Variants in ALDH2 observed in about 807,000 individuals in gnomAD.
ALDH2 encodes the protein aldehyde dehydrogenase, mitochondrial.
Under a neutral mutation model 59.6 loss-of-function variants are expected in ALDH2, and 44 were observed. The ratio of observed to expected loss-of-function variants is 0.74; its 90% CI spans 0.58 to 0.95. The LOEUF is 0.95. Ranked by LOEUF, ALDH2 falls within the 40% of genes least tolerant of loss-of-function variation. The probability of loss-of-function intolerance (pLI) is 0.00; values close to 1 mark genes in which losing one functional copy is unlikely to be tolerated. For synonymous variants in ALDH2, 291 were observed against 284.0 expected (o/e 1.02, Z -0.25); for missense variants, 570 against 696.3 (o/e 0.82, Z 2.04).
rs671 is a variant in ALDH2, at chr12:111,803,962, G to A, written c.1510G>A (p.Glu504Lys). The stretch of plus-strand genomic sequence containing the variant: ...CGAGTACGGGCTGCAGGCATACACT[G>A]AAGTGAAAACTGTGAGTGTGGGACC... ...LGEYGLQAYTEVKTVTVKVPQ... is the reference protein window; with the variant it reads ...LGEYGLQAYTKVKTVTVKVPQ... The change falls in exon 12 of 13, where the codon GAA becomes AAA. Residue 504 changes from glutamate (E) to lysine (K), a missense_variant. By Grantham distance (56) the Glu-to-Lys change is moderately conservative. Transcript: ENST00000261733. 11,316 of 1,608,410 alleles carry A rather than the reference G, an allele frequency of 7.0e-3. 1,380 individuals are homozygous for A. In the East Asian group the frequency reaches 0.24, roughly 35 times the overall value.
intron 4 of ALDH2, among the ~76,000 whole-genome samples, chr12:111,787,628 G>T (rs970889229): frequency 6.6e-6 from 1 of 152,140 alleles, no homozygotes; most frequent in Non-Finnish European, 1.5e-5. Flanking sequence ...GGGCGCAGTG[G>T]CTCACTCCCA....
At position 111,783,190 on chromosome 12, in the gene ALDH2, G is replaced by A. The variant is rs1367562721; in HGVS notation, c.252G>A (p.Arg84=). 1 of 1,613,146 alleles carries A rather than the reference G, an allele frequency of 6.2e-7. No homozygotes were observed. The highest frequency in any genetic ancestry group is 8.5e-7 in the Non-Finnish European group (1 of 1,179,450). ...EDVDKAVKAA[R]AAFQLGSPWR... is the part of the protein sequence containing the mutation. ...TGGACAAGGCAGTGAAGGCCGCCCG[G>A]GCCGCCTTCCAGCTGGGCTCACCTT... Residue 84 remains arginine, a synonymous_variant, in exon 3 of 13, where the codon CGG becomes CGA. Coordinates refer to ENST00000261733, the MANE Select transcript of ALDH2 (RefSeq NM_000690.4).
chr12:111,768,769 A>G (rs538781336), intron 1 of ALDH2, among the ~76,000 whole-genome samples: 46 of 152,256 alleles, frequency 3.0e-4, no homozygotes, highest in African/African-American at 9.9e-4. Context: ...CCTTGAGCCT[A>G]GGATTTCGAG....
At chr12:111,788,774 G>A (rs1029032726) in intron 4 of ALDH2, among the ~76,000 whole-genome samples, 4 of 152,088 alleles carry the variant, frequency 2.6e-5, no homozygotes, top group African/African-American at 9.7e-5. Context: ...GGCCAAGGCA[G>A]GAGGATCACT....
chr12:111,769,572 CT>C (rs11442381), intron 1 of ALDH2, among the ~76,000 whole-genome samples: 1,227 of 143,744 alleles, frequency 8.5e-3, no homozygotes, highest in Middle Eastern at 0.014. Flanking sequence ...GCACACCAGA[CT>C]TTTTTTTTTT....
intron 5 of ALDH2, among the ~76,000 whole-genome samples, 180 bp from the exon 6 acceptor site, chr12:111,790,254 C>T (rs1233943121): frequency 6.6e-6 from 1 of 152,156 alleles, no homozygotes; most frequent in South Asian, 2.1e-4. Context: ...AGTCTGTCAT[C>T]GTTGTGCACC....
intron 1 of ALDH2, among the ~76,000 whole-genome samples, chr12:111,769,424 T>A (rs559329220): frequency 2.2e-4 from 33 of 151,984 alleles, no homozygotes; most frequent in Non-Finnish European, 4.1e-4. Flanking sequence ...TCTTAAAAAA[T>A]AAATAAATAA....
chr12:111,809,270 A>G (rs537502637), intron 12 of ALDH2, among the ~76,000 whole-genome samples: 2 of 152,134 alleles, frequency 1.3e-5, no homozygotes, highest in African/African-American at 4.8e-5. Flanking sequence ...CCTGGGCAAC[A>G]TAGTGACACC....
chr12:111,779,088 T>A (rs1042790860), intron 1 of ALDH2, among the ~76,000 whole-genome samples: 4 of 152,120 alleles, frequency 2.6e-5, no homozygotes, highest in Admixed American at 2.6e-4. Context: ...ACTCCTGAGC[T>A]CAAGCAATCC....
In ALDH2 at chr12:111,790,420, G is replaced by C; in HGVS notation, c.553-14G>C. ...GGAAGCTTGGATTTCGAGGGCTGCT[G>C]TTGTTTGTTGCAGTGGAATTTCCCG... On this transcript the variant is annotated splice_polypyrimidine_tract_variant and intron_variant, in intron 5 of 12. Coordinates refer to ENST00000261733, the MANE Select transcript of ALDH2 (RefSeq NM_000690.4). 2 of 1,614,132 alleles carry C rather than the reference G, an allele frequency of 1.2e-6. No individual in the cohort carries two copies. Among genetic ancestry groups the C allele is most frequent in the African/African-American group, 1.3e-5 (1 of 75,038 alleles).
At chr12:111,781,392 C>G (rs2068270512) in intron 1 of ALDH2, among the ~76,000 whole-genome samples, 1 of 152,156 alleles carries the variant, frequency 6.6e-6, no homozygotes, top group Non-Finnish European at 1.5e-5. Flanking sequence ...GGGAAGCCAG[C>G]TGCCATGTGG....
intron 7 of ALDH2, among the ~76,000 whole-genome samples, 166 bp downstream of exon 7, chr12:111,791,585 G>A (rs2068359985): frequency 6.6e-6 from 1 of 152,180 alleles, no homozygotes; most frequent in South Asian, 2.1e-4. Flanking sequence ...AGCCCTTCGT[G>A]GTCTGGTTGC....
intron 6 of ALDH2, among the ~76,000 whole-genome samples, chr12:111,791,068 A>G (rs2068354968): frequency 6.6e-6 from 1 of 152,200 alleles, no homozygotes; most frequent in East Asian, 1.9e-4. Flanking sequence ...ACAAAAACCC[A>G]CTGTTGTTCT....
At chr12:111,793,426 G>C (rs1319075800) in intron 9 of ALDH2, among the ~76,000 whole-genome samples, 1 of 152,012 alleles carries the variant, frequency 6.6e-6, no homozygotes, top group African/African-American at 2.4e-5. Context: ...TAGAAAAATA[G>C]AGCTGAACGT....
chr12:111,790,209 A>C (rs1373852801), intron 5 of ALDH2, among the ~76,000 whole-genome samples: 1 of 152,204 alleles, frequency 6.6e-6, no homozygotes, highest in African/African-American at 2.4e-5. Context: ...AGGGCTTAGC[A>C]TGGTGTCACG....
chr12:111,789,622 C>T (rs984672685), intron 4 of ALDH2, among the ~76,000 whole-genome samples: 4 of 152,052 alleles, frequency 2.6e-5, no homozygotes, highest in African/African-American at 7.2e-5. Flanking sequence ...GAACCCCAGG[C>T]GATTCTGAGG....
At chr12:111,806,732 G>T (rs577947906) in intron 12 of ALDH2, among the ~76,000 whole-genome samples, 43 of 152,324 alleles carry the variant, frequency 2.8e-4, no homozygotes, top group African/African-American at 1.0e-3. Flanking sequence ...AGCATTTTGG[G>T]AGGCCGAGAT....
intron 10 of ALDH2, among the ~76,000 whole-genome samples, chr12:111,799,370 T>C (rs1484806039): frequency 1.3e-5 from 2 of 151,830 alleles, no homozygotes; most frequent in African/African-American, 4.8e-5. Flanking sequence ...TTTCACCATG[T>C]TGGCCAGGCT....
rs891488236 is a variant in ALDH2 at position 111,809,954 on chromosome 12, G to A, written c.*379G>A. The A allele has an allele frequency of 3.6e-6, 1 of 278,802 alleles. No homozygotes were observed. Among genetic ancestry groups the A allele is most frequent in the East Asian group, 6.4e-5 (1 of 15,714 alleles). The allele number at this position is 278,802 out of a possible 1,614,324, so 17.3% of individuals were successfully genotyped here. A position where few individuals can be genotyped will look rare whatever the true frequency, so the allele number is the denominator to read the frequency against. ...CACCCTGCTTTGTATTCTGGGCTAA[G>A]ATTCATTAAAAACTAGCTGCTCTTA... On this transcript the variant is annotated 3_prime_UTR_variant, in exon 13 of 13. Coordinates refer to ENST00000261733, the MANE Select transcript of ALDH2 (RefSeq NM_000690.4).
Sources: allele counts gnomAD v4.1 joint callset (sites outside exome capture counted in the v4.1 genomes callset), GRCh38; gene constraint gnomAD v4.1.1; transcripts MANE v1.5; gene names NCBI Gene and HGNC (gene_info 2026-07-23, HGNC 2026-07-21).